Variants in RBFOX2 observed in about 807,000 individuals in gnomAD.
RBFOX2 encodes RNA binding fox-1 homolog 2.
In RBFOX2, 10 loss-of-function variants were observed where a neutral mutation model predicts 49.1. That is an observed-to-expected ratio of 0.20 (90% CI 0.13 to 0.35). The LOEUF is 0.35. Among genes scored for constraint, RBFOX2 ranks in the 10% least tolerant of loss-of-function variants. The probability of loss-of-function intolerance (pLI) is 1.00; values close to 1 mark genes in which losing one functional copy is unlikely to be tolerated. For synonymous variants in RBFOX2, 183 were observed against 187.4 expected (o/e 0.98, Z 0.19); for missense variants, 323 against 486.9 (o/e 0.66, Z 3.17).
At chr22:36,008,603 G>C (rs2058702408) in intron 1 of RBFOX2, among the ~76,000 whole-genome samples, 1 of 152,116 alleles carries the variant, frequency 6.6e-6, no homozygotes, top group Admixed American at 6.6e-5. Flanking sequence ...GATCACTTGA[G>C]GCCAGGAGTT....
At chr22:35,832,486 GA>G (rs1956983250) in intron 1 of RBFOX2, among the ~76,000 whole-genome samples, 1 of 152,194 alleles carries the variant, frequency 6.6e-6, no homozygotes, top group Non-Finnish European at 1.5e-5. Context: ...CAAATGCTGG[GA>G]AGGAGGCAGG....
intron 1 of RBFOX2, among the ~76,000 whole-genome samples, chr22:35,953,858 T>C (rs546849169): frequency 6.6e-6 from 1 of 152,328 alleles, no homozygotes; most frequent in Admixed American, 6.5e-5. Flanking sequence ...AAAGTGGTTC[T>C]AAGCAACAAT....
intron 5 of RBFOX2, 147 bp downstream of exon 6, chr22:35,768,110 A>C: frequency 1.2e-6 from 1 of 801,290 alleles, no homozygotes; most frequent in Non-Finnish European, 2.0e-6. Context: ...ATTTTAGTGC[A>C]AGAAGGTGAA....
chr22:35,884,762 G>A (rs1230290564), intron 1 of RBFOX2, among the ~76,000 whole-genome samples: 34 of 152,202 alleles, frequency 2.2e-4, no homozygotes, highest in Non-Finnish European at 5.9e-5. Context: ...ATATCAGGAG[G>A]TGGGGATCAC....
At chr22:35,744,123 G>C in exon 12 of RBFOX2, 2 of 1,231,430 alleles carry the variant, frequency 1.6e-6, no homozygotes, top group Non-Finnish European at 2.2e-6. Context: ...TCTTGCTATA[G>C]AGTTCCTCTA....
intron 1 of RBFOX2, among the ~76,000 whole-genome samples, chr22:35,873,595 T>C (rs934931474): frequency 6.6e-6 from 1 of 152,346 alleles, no homozygotes; most frequent in African/African-American, 2.4e-5. Context: ...CTCCCATGCA[T>C]GTCACCCCAA....
At chr22:35,813,400 AT>A (rs1443001104) in intron 1 of RBFOX2, among the ~76,000 whole-genome samples, 1 of 152,184 alleles carries the variant, frequency 6.6e-6, no homozygotes, top group Admixed American at 6.5e-5. Flanking sequence ...TTATATAAAA[AT>A]GTTTTGTTTC....
intron 1 of RBFOX2, among the ~76,000 whole-genome samples, chr22:35,909,468 A>G (rs1237221538): frequency 6.6e-6 from 1 of 152,236 alleles, no homozygotes; most frequent in Non-Finnish European, 1.5e-5. Context: ...ACCCTGTTTT[A>G]GCATTTTACA....
chr22:35,781,465 T>G, intron 3 of RBFOX2, 135 bp downstream of exon 4: 1 of 1,199,264 alleles, frequency 8.3e-7, no homozygotes, highest in Non-Finnish European at 1.2e-6. Flanking sequence ...TAAAGACTGA[T>G]GAAAAGACTG....
chr22:35,855,435 C>T lies in RBFOX2; in HGVS notation c.-33-45431G>A, dbSNP rs2042401448. On this transcript the variant is annotated intron_variant, in intron 1 of 13. Coordinates refer to the RBFOX2 transcript ENST00000359369. ...TCACTTTTTTTTTCTGAGACGGGGT[C>T]TCACTCTGTCACCCAGGTTGGAGTG... is the stretch of plus-strand genomic sequence containing the variant. Among the ~76,000 whole-genome samples, 3 of 152,022 alleles carry T rather than the reference C, an allele frequency of 2.0e-5. No homozygotes were observed. In the South Asian group the frequency reaches 6.2e-4, roughly 32 times the overall value.
At chr22:35,757,998 T>C (rs1353172679) in intron 9 of RBFOX2, among the ~76,000 whole-genome samples, 1 of 152,184 alleles carries the variant, frequency 6.6e-6, no homozygotes, top group Non-Finnish European at 1.5e-5. Context: ...GGAATATTCA[T>C]CTACGTTCTA....
chr22:35,898,369 G>A, intron 1 of RBFOX2: 1 of 646,504 alleles, frequency 1.5e-6, no homozygotes, highest in Non-Finnish European at 2.9e-6. Context: ...ACATTGGCAG[G>A]GCCCAGACAA....
At chr22:35,975,253 G>GT (rs2057089860) in intron 1 of RBFOX2, among the ~76,000 whole-genome samples, 1 of 152,052 alleles carries the variant, frequency 6.6e-6, no homozygotes, top group African/African-American at 2.4e-5. Flanking sequence ...CAGCAAACTA[G>GT]TATCAGTCTA....
intron 1 of RBFOX2, among the ~76,000 whole-genome samples, chr22:36,020,227 C>A (rs1454315815): frequency 6.6e-6 from 1 of 152,170 alleles, no homozygotes; most frequent in Non-Finnish European, 1.5e-5. Context: ...CCCTTCCTTA[C>A]ACCTTATACA....
At chr22:36,028,396 C>G (rs1347097469) in exon 1 of RBFOX2, 1 of 1,257,558 alleles carries the variant, frequency 8.0e-7, no homozygotes. Context: ...CGAGCTGAGG[C>G]GGCTGATGCG....
chr22:35,885,745 G>T (rs1337842245), intron 1 of RBFOX2, among the ~76,000 whole-genome samples: 1 of 150,736 alleles, frequency 6.6e-6, no homozygotes, highest in Non-Finnish European at 1.5e-5. Context: ...TGAATAGATG[G>T]TCTATATTTA....
intron 1 of RBFOX2, among the ~76,000 whole-genome samples, chr22:35,852,738 G>A (rs1418833893): frequency 2.0e-5 from 3 of 152,140 alleles, no homozygotes; most frequent in East Asian, 1.9e-4. Flanking sequence ...ATAAAAGGCT[G>A]TAATAATGAA....
intron 1 of RBFOX2, among the ~76,000 whole-genome samples, chr22:35,957,017 G>C (rs2055642382): frequency 2.0e-5 from 3 of 152,174 alleles, no homozygotes; most frequent in Non-Finnish European, 4.4e-5. Context: ...GGTACAGGCA[G>C]TTTGTGGCAT....
intron 1 of RBFOX2, among the ~76,000 whole-genome samples, chr22:35,982,980 T>G (rs1257772370): frequency 6.6e-6 from 1 of 152,100 alleles, no homozygotes; most frequent in African/African-American, 2.4e-5. Flanking sequence ...CCCCTTAGCC[T>G]CTTCCCTTCC....
Sources: gnomAD v4.1 joint callset for allele counts (sites outside exome capture counted in the v4.1 genomes callset) on GRCh38, gnomAD v4.1.1 for gene constraint, MANE v1.5 for transcripts, NCBI Gene and HGNC (gene_info 2026-07-23, HGNC 2026-07-21) for gene names.